Variants in DGKG observed in about 807,000 individuals in gnomAD.
DGKG encodes the protein diacylglycerol kinase gamma, also known as DAG kinase gamma.
In DGKG, 78 loss-of-function variants were observed where a neutral mutation model predicts 105.3. The observed-to-expected ratio is 0.74, with a 90% CI of 0.62 to 0.89. DGKG has a LOEUF of 0.89. Among genes scored for constraint, DGKG ranks in the 40% least tolerant of loss-of-function variants. DGKG has a pLI of 0.00. For missense variants in DGKG, 958 were observed against 1,020.1 expected (o/e 0.94, Z 0.83); for synonymous variants, 346 against 367.1 (o/e 0.94, Z 0.66).
At chr3:186,191,311 T>C (rs996095114) in intron 21 of DGKG, among the ~76,000 whole-genome samples, 1 of 152,250 alleles carries the variant, frequency 6.6e-6, no homozygotes, top group Non-Finnish European at 1.5e-5. Flanking sequence ...TCTAGAATCT[T>C]GCCAGGGATC....
intron 1 of DGKG, among the ~76,000 whole-genome samples, chr3:186,324,370 A>G (rs1209698171): frequency 2.6e-5 from 4 of 152,162 alleles, no homozygotes; most frequent in Non-Finnish European, 4.4e-5. Flanking sequence ...TGGTGTTAGG[A>G]TTAAGTGGGT....
intron 5 of DGKG, among the ~76,000 whole-genome samples, chr3:186,289,364 T>C (rs1723215267): frequency 6.6e-6 from 1 of 152,160 alleles, no homozygotes; most frequent in African/African-American, 2.4e-5. Flanking sequence ...GGATTGATAA[T>C]TAACGAATCT....
At chr3:186,208,753 T>G (rs902119574) in intron 21 of DGKG, among the ~76,000 whole-genome samples, 1 of 152,240 alleles carries the variant, frequency 6.6e-6, no homozygotes, top group African/African-American at 2.4e-5. Context: ...TCAGCACACC[T>G]GCCCAGCTGC....
At chr3:186,349,572 A>G (rs1251107921) in intron 1 of DGKG, among the ~76,000 whole-genome samples, 1 of 152,060 alleles carries the variant, frequency 6.6e-6, no homozygotes, top group Non-Finnish European at 1.5e-5. Flanking sequence ...AAAGAGTGAC[A>G]TTAGCTTTGC....
At chr3:186,330,131 G>C (rs1199225482) in intron 1 of DGKG, among the ~76,000 whole-genome samples, 2 of 152,144 alleles carry the variant, frequency 1.3e-5, no homozygotes, top group African/African-American at 4.8e-5. Context: ...GATGCAAGTT[G>C]CAGTACAATT....
intron 17 of DGKG, 154 bp downstream of exon 17, chr3:186,257,697 TCCA>T: frequency 1.8e-6 from 1 of 553,176 alleles, no homozygotes. Flanking sequence ...TTTTTTTTTT[TCCA>T]CCCAAAGCAA....
chr3:186,256,233 C>T (rs769949901), intron 17 of DGKG, among the ~76,000 whole-genome samples: 3 of 152,118 alleles, frequency 2.0e-5, no homozygotes, highest in African/African-American at 4.8e-5. Context: ...CCAAAGCGCC[C>T]GGGGGAGTGG....
intron 1 of DGKG, among the ~76,000 whole-genome samples, chr3:186,355,186 C>CAACT (rs1726851255): frequency 1.4e-5 from 2 of 142,172 alleles, no homozygotes; most frequent in African/African-American, 5.0e-5. Context: ...CTATCACCAC[C>CAACT]ACCATCAATA....
At chr3:186,313,519 G>T in intron 2 of DGKG, 1 of 985,336 alleles carries the variant, frequency 1.0e-6, no homozygotes, top group Non-Finnish European at 1.2e-6. Flanking sequence ...TTCAAGTGAA[G>T]GTGGAGGAAT....
chr3:186,245,040 A>T (rs899472053), intron 19 of DGKG, among the ~76,000 whole-genome samples: 3 of 152,168 alleles, frequency 2.0e-5, no homozygotes, highest in Non-Finnish European at 2.9e-5. Context: ...GGCGGGGAAG[A>T]AAAAAGCAAT....
At chr3:186,188,126 A>G in intron 22 of DGKG, 76 bp downstream of exon 22, 1 of 1,543,612 alleles carries the variant, frequency 6.5e-7, no homozygotes, top group Non-Finnish European at 8.9e-7. Flanking sequence ...GGGCCTTACG[A>G]GGCCTGCTGA....
At chr3:186,266,567 T>C (rs1722066021) in intron 13 of DGKG, among the ~76,000 whole-genome samples, 1 of 152,198 alleles carries the variant, frequency 6.6e-6, no homozygotes, top group Admixed American at 6.5e-5. Flanking sequence ...TATTGCTAAA[T>C]GATTTTCCAA....
chr3:186,149,528 G>T lies in DGKG; in HGVS notation c.*562C>A. 1 of 985,474 alleles carries T rather than the reference G, an allele frequency of 1.0e-6. No individual in the cohort carries two copies. Among genetic ancestry groups the T allele is most frequent in the Non-Finnish European group, 1.2e-6 (1 of 829,942 alleles). The allele number at this position is 985,474 out of a possible 1,614,324, so 61.0% of individuals were successfully genotyped here. A position where few individuals can be genotyped will look rare whatever the true frequency, so the allele number is the denominator to read the frequency against. Reference sequence around the variant, plus strand: ...GCCTCTTCAGCAGGTTCACGGAGAAGTTGTCACTCAAAGGACGACCAAGAA... The same window carrying T: ...GCCTCTTCAGCAGGTTCACGGAGAATTTGTCACTCAAAGGACGACCAAGAA... On this transcript the variant is annotated 3_prime_UTR_variant, in exon 25 of 25. Transcript: ENST00000265022.
chr3:186,147,775 G>A lies in DGKG; in HGVS notation c.*2315C>T. 1.0e-6 allele frequency: 1 copy of A among 985,392 alleles called. No homozygotes were observed. The highest frequency in any genetic ancestry group is 1.2e-6 in the Non-Finnish European group (1 of 829,930). 61.0% of individuals were successfully genotyped at this position (985,392 alleles called of 1,614,324 possible). A position where few individuals can be genotyped will look rare whatever the true frequency, so the allele number is the denominator to read the frequency against. ...GGCTGAAACACATGCACGAACTTCT[G>A]TAAATGTCTTAGAATCAGTGACCCC... On this transcript the variant is annotated 3_prime_UTR_variant, in exon 25 of 25. Transcript: ENST00000265022.
chr3:186,290,178 G>A (rs537570801), intron 5 of DGKG, among the ~76,000 whole-genome samples: 19 of 152,304 alleles, frequency 1.2e-4, no homozygotes, highest in Middle Eastern at 3.4e-3. Flanking sequence ...GGCCCTTAGC[G>A]GGATGCAAGA....
chr3:186,346,363 C>G (rs547831856), intron 1 of DGKG, among the ~76,000 whole-genome samples: 1 of 152,292 alleles, frequency 6.6e-6, no homozygotes, highest in South Asian at 2.1e-4. Flanking sequence ...CTAGTGCCCT[C>G]TTATGAGGAT....
At chr3:186,209,751 T>TCGCC (rs1452715150) in intron 21 of DGKG, among the ~76,000 whole-genome samples, 2 of 151,944 alleles carry the variant, frequency 1.3e-5, no homozygotes, top group African/African-American at 4.8e-5. Flanking sequence ...CCCCCATGCC[T>TCGCC]CGCCCTGTCC....
chr3:186,148,072 T>C lies in DGKG; in HGVS notation c.*2018A>G. 1 of 985,462 alleles carries C rather than the reference T, an allele frequency of 1.0e-6. No individual in the cohort carries two copies. Among genetic ancestry groups the C allele is most frequent in the Non-Finnish European group, 1.2e-6 (1 of 829,966 alleles). The allele number at this position is 985,462 out of a possible 1,614,324, so 61.0% of individuals were successfully genotyped here. On this transcript the variant is annotated 3_prime_UTR_variant, in exon 25 of 25. Transcript: ENST00000265022. ...TCCAAAGCTCCTGTCCAATGCAAGA[T>C]TAGAGGCAGCTCAGTGGAACGATAT...
At chr3:186,166,651 G>T (rs1376522746) in intron 22 of DGKG, among the ~76,000 whole-genome samples, 1 of 145,370 alleles carries the variant, frequency 6.9e-6, no homozygotes, top group Non-Finnish European at 1.5e-5. Context: ...GTGTGTGTGT[G>T]TAAGATAAAG....
Sources: gnomAD v4.1 joint callset for allele counts (sites outside exome capture counted in the v4.1 genomes callset) on GRCh38, gnomAD v4.1.1 for gene constraint, MANE v1.5 for transcripts, NCBI Gene and HGNC (gene_info 2026-07-23, HGNC 2026-07-21) for gene names.